REXO1: variants seen among roughly 807,000 people sequenced by gnomAD.
REXO1 encodes the protein REX1, RNA exonuclease 1 homolog.
REXO1 carries 42 observed loss-of-function variants against 102.6 expected under a neutral mutation model. That is an observed-to-expected ratio of 0.41 (90% CI 0.32 to 0.53). The LOEUF is 0.53. Among genes scored for constraint, REXO1 ranks in the 20% least tolerant of loss-of-function variants. REXO1 has a pLI of 0.27. For missense variants in REXO1, 1,819 were observed against 1,732.5 expected (o/e 1.05, Z -0.89); for synonymous variants, 908 against 779.1 (o/e 1.17, Z -2.76).
rs1568686651 is a variant in REXO1, at chr19:1,821,694, CA to C, written c.2231-13del. The C allele has an allele frequency of 4.4e-6, 7 of 1,606,176 alleles. No individual in the cohort carries two copies. The highest frequency in any genetic ancestry group is 5.9e-6 in the Non-Finnish European group (7 of 1,177,992). ...GGCACCTGTGGGGGCTGGCGGGGCACAGGGGGTGTGGGCACAGGGCGAGTGG... is the reference window on the plus strand; with the variant it reads ...GGCACCTGTGGGGGCTGGCGGGGCACGGGGGTGTGGGCACAGGGCGAGTGG... On this transcript the variant is annotated splice_polypyrimidine_tract_variant and intron_variant, in intron 4 of 15. Transcript: ENST00000170168.
chr19:1,826,798 C>G lies in REXO1; in HGVS notation c.1911+80G>C. Reference sequence around the variant, plus strand: ...CCCGTGCCTCCGAGCCAACTGGAAACCACTCCAGATAGAAGGTCTCTCACC... The same window carrying G: ...CCCGTGCCTCCGAGCCAACTGGAAAGCACTCCAGATAGAAGGTCTCTCACC... On this transcript the variant is annotated intron_variant, in intron 2 of 15. Coordinates refer to ENST00000170168, the MANE Select transcript of REXO1 (RefSeq NM_020695.4). The surrounding 1 kb of genome is among the most constrained non-coding windows in gnomAD (Gnocchi z 4.3). 3 of 1,517,450 alleles carry G rather than the reference C, an allele frequency of 2.0e-6. No individual in the cohort carries two copies. The South Asian group carries it at 3.8e-5, about 19-fold the overall frequency. 94.0% of individuals were successfully genotyped at this position (1,517,450 alleles called of 1,614,324 possible).
intron 5 of REXO1, among the ~76,000 whole-genome samples, 193 bp from the exon 6 acceptor site, chr19:1,820,588 C>A (rs1304334168): frequency 6.6e-6 from 1 of 152,162 alleles, no homozygotes; most frequent in East Asian, 1.9e-4. Context: ...GGCAGCGGAA[C>A]TAAGGTCATG....
intron 1 of REXO1, among the ~76,000 whole-genome samples, chr19:1,846,876 G>A (rs574578142): frequency 1.9e-3 from 297 of 152,336 alleles, no homozygotes; most frequent in Non-Finnish European, 3.6e-3. Context: ...CTGGACTATA[G>A]AGTGAGACCC....
intron 1 of REXO1, among the ~76,000 whole-genome samples, chr19:1,833,179 C>T (rs1235954378): frequency 6.6e-6 from 1 of 152,146 alleles, no homozygotes; most frequent in Non-Finnish European, 1.5e-5. Flanking sequence ...GAGCTGTGAT[C>T]ACACCACCGC....
chr19:1,835,930 C>T (rs2145311862), intron 1 of REXO1, among the ~76,000 whole-genome samples: 1 of 152,360 alleles, frequency 6.6e-6, no homozygotes, highest in South Asian at 2.1e-4. Context: ...GAGCCCACTC[C>T]CTACACCACC....
chr19:1,831,208 G>A (rs1353987055), intron 1 of REXO1, among the ~76,000 whole-genome samples: 1 of 152,228 alleles, frequency 6.6e-6, no homozygotes, highest in African/African-American at 2.4e-5. Flanking sequence ...ATAAGGAGCT[G>A]TGACACCATG....
chr19:1,831,076 G>A (rs2069888008), intron 1 of REXO1, among the ~76,000 whole-genome samples: 1 of 152,160 alleles, frequency 6.6e-6, no homozygotes, highest in African/African-American at 2.4e-5. Flanking sequence ...AGGCGCACGG[G>A]CCCACACCAA....
intron 1 of REXO1, among the ~76,000 whole-genome samples, chr19:1,843,572 C>T (rs1287189641): frequency 6.6e-6 from 1 of 152,238 alleles, no homozygotes; most frequent in Non-Finnish European, 1.5e-5. Context: ...GCCAGGCAGG[C>T]AGGCGGCCCC....
At chr19:1,823,343 G>A (rs1377234720) in intron 4 of REXO1, 1 of 395,702 alleles carries the variant, frequency 2.5e-6, no homozygotes, top group African/African-American at 2.1e-5. Context: ...TGGACTCCTA[G>A]TAACCCCGGA....
At chr19:1,829,448 A>G (rs2069844529) in intron 1 of REXO1, among the ~76,000 whole-genome samples, 1 of 151,584 alleles carries the variant, frequency 6.6e-6, no homozygotes, top group Non-Finnish European at 1.5e-5. Flanking sequence ...CATGTTGGCC[A>G]GTCTCGAACT....
At chr19:1,847,158 G>C (rs1326033918) in intron 1 of REXO1, among the ~76,000 whole-genome samples, 1 of 152,240 alleles carries the variant, frequency 6.6e-6, no homozygotes, top group Non-Finnish European at 1.5e-5. Flanking sequence ...GTGATTGCTT[G>C]CATCTGTCCA....
chr19:1,835,666 G>A (rs1429076251), intron 1 of REXO1, among the ~76,000 whole-genome samples: 1 of 152,046 alleles, frequency 6.6e-6, no homozygotes, highest in Non-Finnish European at 1.5e-5. Flanking sequence ...GAGCAGGTGG[G>A]CTCCTTCCTG....
Position 1,818,689 on chromosome 19 carries a change from G to C in REXO1, c.2902+17C>G. On this transcript the variant is annotated intron_variant, in intron 9 of 15. Transcript: ENST00000170168. ...CCCGCACCTGCCCACCTAGGCCGTC[G>C]CAGGCCAGCGACTCACAGTCCTTGG... 6.2e-7 allele frequency: 1 copy of C among 1,610,036 alleles called. No individual in the cohort carries two copies. The highest frequency in any genetic ancestry group is 8.5e-7 in the Non-Finnish European group (1 of 1,179,372).
chr19:1,829,519 C>T (rs144984438), intron 1 of REXO1, among the ~76,000 whole-genome samples: 24 of 152,232 alleles, frequency 1.6e-4, no homozygotes, highest in African/African-American at 5.8e-4. Flanking sequence ...AATTTCAAAA[C>T]TTTTTGTAGC....
rs1568682689 is a variant in REXO1, at chr19:1,819,133, TGGAAGGAAG to T, written c.2651-11_2651-3del. 3 of 1,559,890 alleles carry T rather than the reference TGGAAGGAAG, an allele frequency of 1.9e-6. No individual in the cohort carries two copies. The highest frequency in any genetic ancestry group is 1.2e-5 in the South Asian group (1 of 84,572). On this transcript the variant is annotated splice_polypyrimidine_tract_variant and splice_region_variant and intron_variant, in intron 7 of 15. Transcript: ENST00000170168. ...ACACAACCCTGCGGCCACTGGTTTC[TGGAAGGAAG>T]GGAGGGAGGGGAGGAGGGTGTGAAG...
chr19:1,845,971 C>T (rs1312407415), intron 1 of REXO1, among the ~76,000 whole-genome samples: 2 of 152,196 alleles, frequency 1.3e-5, no homozygotes, highest in African/African-American at 2.4e-5. Context: ...GTTTCCCCAC[C>T]GGCAGCAAAT....
In REXO1 at chr19:1,815,791, G is replaced by C; in HGVS notation, c.*275C>G. On this transcript the variant is annotated 3_prime_UTR_variant, in exon 16 of 16. Coordinates refer to ENST00000170168, the MANE Select transcript of REXO1 (RefSeq NM_020695.4). This position sits in a 1 kb window ranked among gnomAD's most constrained non-coding sequence, Gnocchi z 4.0. The stretch of plus-strand genomic sequence containing the variant: ...AGGGGCAGGAGGGGCTGCGGGCCGG[G>C]TGGGGGCGGGCTCTGTCCTGGTCTC... 1 of 1,462,264 alleles carries C rather than the reference G, an allele frequency of 6.8e-7. No homozygotes were observed. The highest frequency in any genetic ancestry group is 9.1e-7 in the Non-Finnish European group (1 of 1,102,858). 90.6% of individuals were successfully genotyped at this position (1,462,264 alleles called of 1,614,324 possible). A position where few individuals can be genotyped will look rare whatever the true frequency, so the allele number is the denominator to read the frequency against.
chr19:1,842,762 C>T (rs1243735763), intron 1 of REXO1, among the ~76,000 whole-genome samples: 1 of 152,244 alleles, frequency 6.6e-6, no homozygotes, highest in Non-Finnish European at 1.5e-5. Context: ...GGCCTGGTGC[C>T]GGACTCGGCA....
chr19:1,815,563 A>C lies in REXO1; in HGVS notation c.*503T>G. ...CCCCACTGGGGTCTGTCCCACCCCC[A>C]CCCCGCAGGAGGGAAGGCAGCAGGC... On this transcript the variant is annotated 3_prime_UTR_variant, in exon 16 of 16. Coordinates refer to ENST00000170168, the MANE Select transcript of REXO1 (RefSeq NM_020695.4). The surrounding 1 kb of genome is among the most constrained non-coding windows in gnomAD (Gnocchi z 4.0). The C allele has an allele frequency of 1.5e-4, 79 of 511,914 alleles. No homozygotes were observed. The highest frequency in any genetic ancestry group is 2.1e-4 in the Non-Finnish European group (72 of 344,204). The allele number at this position is 511,914 out of a possible 1,614,324, so 31.7% of individuals were successfully genotyped here.
Sources: allele counts gnomAD v4.1 joint callset (sites outside exome capture counted in the v4.1 genomes callset), GRCh38; gene constraint gnomAD v4.1.1; non-coding constraint Gnocchi (gnomAD v3.1); transcripts MANE v1.5; gene names NCBI Gene and HGNC (gene_info 2026-07-23, HGNC 2026-07-21).